The following DDX60 variants were observed in gnomAD, a reference collection of about 807,000 sequenced individuals.
DDX60 encodes DExD/H-box helicase 60.
In DDX60, 165 loss-of-function variants were observed where a neutral mutation model predicts 212.8. The observed-to-expected ratio is 0.78, with a 90% CI of 0.68 to 0.88. The LOEUF (loss-of-function observed/expected upper bound fraction) is 0.88. Ranked by LOEUF, DDX60 falls within the 40% of genes least tolerant of loss-of-function variation. The pLI, the probability that DDX60 is intolerant of heterozygous loss-of-function variation, is 0.00. For synonymous variants in DDX60, 703 were observed against 685.3 expected (o/e 1.03, Z -0.40); for missense variants, 1,905 against 2,003.9 (o/e 0.95, Z 0.94).
At chr4:168,280,186 G>A in intron 14 of DDX60, 149 bp downstream of exon 14, 5 of 1,039,488 alleles carry the variant, frequency 4.8e-6, no homozygotes, top group South Asian at 1.7e-5. Flanking sequence ...GGCAGGTAGC[G>A]GGAAACTATT....
In DDX60 at chr4:168,273,931, T is replaced by C. The variant is rs376460473; in HGVS notation, c.2454+3A>G. On this transcript the variant is annotated splice_donor_region_variant and intron_variant, in intron 17 of 37. Transcript: ENST00000393743. ...GAGAATATTATAGTCACTTGAGCACTACCTTTGTGGGTGCAACGTACACGA... is the reference window on the plus strand; with the variant it reads ...GAGAATATTATAGTCACTTGAGCACCACCTTTGTGGGTGCAACGTACACGA... 38 of 1,612,854 alleles carry C rather than the reference T, an allele frequency of 2.4e-5. No homozygotes were observed. The highest frequency in any genetic ancestry group is 4.0e-5 in the African/African-American group (3 of 74,896).
intron 18 of DDX60, among the ~76,000 whole-genome samples, chr4:168,273,041 C>T (rs1387600070): frequency 6.6e-6 from 1 of 152,092 alleles, no homozygotes; most frequent in African/African-American, 2.4e-5. Flanking sequence ...CAAGACAATG[C>T]AATAAAATAT....
Position 168,276,160 on chromosome 4 carries a change from C to T in DDX60, c.2000G>A (p.Ser667Asn). 1.9e-6 allele frequency: 3 copies of T among 1,608,164 alleles called. No homozygotes were observed. Among genetic ancestry groups the T allele is most frequent in the Non-Finnish European group, 1.7e-6 (2 of 1,177,108 alleles). The change falls in exon 15 of 38, where the codon AGT becomes AAT. Residue 667 changes from serine to asparagine, a missense_variant. Physicochemically the swap from Ser to Asn is conservative, Grantham distance 46. Transcript: ENST00000393743. ...CCTTTTCATCACCTGAACAGCTATACTTAAATCTTTCGTGGTTTTACCTTG... is the reference window on the plus strand; with the variant it reads ...CCTTTTCATCACCTGAACAGCTATATTTAAATCTTTCGTGGTTTTACCTTG... The part of the protein sequence containing the change: ...SEEGKTTKDL[S>N]IAVQVMKRIH...
At chr4:168,236,712 G>A (rs1192233374) in intron 32 of DDX60, among the ~76,000 whole-genome samples, 2 of 151,566 alleles carry the variant, frequency 1.3e-5, no homozygotes, top group Non-Finnish European at 3.0e-5. Context: ...AATCAAAAAT[G>A]TATTAAATAA....
upstream of DDX60, among the ~76,000 whole-genome samples, chr4:168,322,707 G>A (rs980951013): frequency 2.6e-5 from 4 of 152,210 alleles, no homozygotes; most frequent in Non-Finnish European, 4.4e-5. Flanking sequence ...AGGGGAAAGG[G>A]ATGGCCAGAC....
In DDX60 at chr4:168,302,279, C is replaced by T. The variant is rs140082491; in HGVS notation, c.723+21G>A. The T allele has an allele frequency of 9.7e-4, 1,291 of 1,326,868 alleles. 8 individuals are homozygous for T. In the African/African-American group the frequency reaches 0.017, roughly 17 times the overall value. The allele number at this position is 1,326,868 out of a possible 1,614,324, so 82.2% of individuals were successfully genotyped here. A position where few individuals can be genotyped will look rare whatever the true frequency, so the allele number is the denominator to read the frequency against. ...CTAAAAACTTAGTTCAAATACAAAG[C>T]TTTTTAAAATGTTTTGTTACCTCTT... On this transcript the variant is annotated intron_variant, in intron 6 of 37. Transcript: ENST00000393743.
chr4:168,250,136 T>G (rs569742447), intron 28 of DDX60, among the ~76,000 whole-genome samples: 18 of 152,340 alleles, frequency 1.2e-4, no homozygotes, highest in African/African-American at 4.1e-4. Context: ...GAAAGTTATT[T>G]TAGTATTCCT....
intron 26 of DDX60, 151 bp downstream of exon 26, chr4:168,255,560 C>T: frequency 1.7e-6 from 1 of 602,964 alleles, no homozygotes; most frequent in Non-Finnish European, 2.7e-6. Context: ...TCATCTTTAT[C>T]CCATTCTCTC....
chr4:168,244,204 T>C (rs924140604), intron 30 of DDX60, among the ~76,000 whole-genome samples: 2 of 152,030 alleles, frequency 1.3e-5, no homozygotes, highest in African/African-American at 4.8e-5. Flanking sequence ...ATGGCACATG[T>C]TTACATAACA....
chr4:168,268,010 T>A, intron 20 of DDX60, 27 bp from the exon 21 acceptor site: 1 of 1,587,246 alleles, frequency 6.3e-7, no homozygotes, highest in Non-Finnish European at 8.6e-7. Flanking sequence ...ACATATTATT[T>A]AGGCAGAACA....
chr4:168,243,676 G>T (rs539406105), intron 30 of DDX60, among the ~76,000 whole-genome samples: 18 of 152,262 alleles, frequency 1.2e-4, no homozygotes, highest in Non-Finnish European at 2.6e-4. Flanking sequence ...CAGTCCAACC[G>T]CATTGTGGAA....
At chr4:168,318,063 G>A (rs572669135) in intron 1 of DDX60, among the ~76,000 whole-genome samples, 2 of 152,310 alleles carry the variant, frequency 1.3e-5, no homozygotes, top group African/African-American at 4.8e-5. Flanking sequence ...AACTTGTAAT[G>A]TTTTAAGCCA....
chr4:168,273,245 T>C (rs768779213), intron 18 of DDX60, 34 bp downstream of exon 18: 1 of 1,597,616 alleles, frequency 6.3e-7, no homozygotes, highest in Non-Finnish European at 8.5e-7. Context: ...AGTTATATAA[T>C]TTGATAACAC....
intron 30 of DDX60, among the ~76,000 whole-genome samples, chr4:168,238,947 G>A (rs1157380455): frequency 6.6e-6 from 1 of 152,142 alleles, no homozygotes; most frequent in African/African-American, 2.4e-5. Flanking sequence ...AGCTCTGAAA[G>A]GGTATTTGAT....
At chr4:168,305,335 A>T (rs1174619060) in intron 5 of DDX60, among the ~76,000 whole-genome samples, 1 of 152,200 alleles carries the variant, frequency 6.6e-6, no homozygotes, top group Non-Finnish European at 1.5e-5. Context: ...TATGGCAACC[A>T]TGTGGATATT....
At position 168,237,310 on chromosome 4, in the gene DDX60, C is replaced by A. The variant is rs752430979; in HGVS notation, c.4387G>T (p.Asp1463Tyr). 6.3e-7 allele frequency: 1 copy of A among 1,579,006 alleles called. No homozygotes were observed. Among genetic ancestry groups the A allele is most frequent in the Non-Finnish European group, 8.6e-7 (1 of 1,163,224 alleles). The change falls in exon 32 of 38, where the codon GAT (aspartate) becomes TAT (tyrosine). Residue 1463 changes from aspartate to tyrosine, a missense_variant. Asp to Tyr is a radical substitution (Grantham distance 160, BLOSUM62 -3). Transcript: ENST00000393743. ...CCTTTCCTGGTTGGCTGACAGAGAT[C>A]ATGGAAGAGTCCATTTACAAGAAAA... ...VSFLVNGLFH[D>Y]LCQPTRKGSK...
chr4:168,300,535 G>A (rs2149544548), intron 6 of DDX60, among the ~76,000 whole-genome samples: 1 of 151,020 alleles, frequency 6.6e-6, no homozygotes, highest in Non-Finnish European at 1.5e-5. Context: ...TTGAGACTCT[G>A]TCTCAAAAAA....
chr4:168,224,428 T>C lies in DDX60; in HGVS notation c.4682-43A>G, dbSNP rs2271712. 23,394 of 1,584,310 alleles carry C rather than the reference T, an allele frequency of 0.015. 1,545 individuals are homozygous for C. In the East Asian group the frequency reaches 0.17, roughly 12 times the overall value. On this transcript the variant is annotated intron_variant, in intron 34 of 37. Transcript: ENST00000393743. ...GGATAGATTAGTGTTTTGAACTCAG[T>C]CAAATTGTCAAACCTCAGATACTTT...
intron 37 of DDX60, among the ~76,000 whole-genome samples, chr4:168,217,293 T>C (rs1180653157): frequency 1.3e-5 from 2 of 152,176 alleles, no homozygotes; most frequent in Non-Finnish European, 2.9e-5. Context: ...AAATTCCACA[T>C]AACTTGATCC....
Sources: gnomAD v4.1 joint callset for allele counts (sites outside exome capture counted in the v4.1 genomes callset) on GRCh38, gnomAD v4.1.1 for gene constraint, MANE v1.5 for transcripts, NCBI Gene and HGNC (gene_info 2026-07-23, HGNC 2026-07-21) for gene names.